The following CDH7 variants were observed in gnomAD, a reference collection of about 807,000 sequenced individuals.
CDH7 encodes cadherin 7, also known as cadherin-7.
Under a neutral mutation model 71.8 loss-of-function variants are expected in CDH7, and 25 were observed. The observed-to-expected ratio is 0.35, with a 90% confidence interval of 0.25 to 0.49. The LOEUF is 0.49. Among genes scored for constraint, CDH7 ranks in the 20% least tolerant of loss-of-function variants. The pLI is 0.99. For synonymous variants in CDH7, 381 were observed against 363.8 expected (o/e 1.05, Z -0.54); for missense variants, 862 against 974.6 (o/e 0.88, Z 1.54).
chr18:65,819,813 G>A (rs1911853739), intron 4 of CDH7, among the ~76,000 whole-genome samples: 1 of 151,286 alleles, frequency 6.6e-6, no homozygotes, highest in Admixed American at 6.6e-5. Context: ...AATCCTAAAG[G>A]GTTGAGCCCT....
intron 1 of CDH7, among the ~76,000 whole-genome samples, chr18:65,753,904 A>G (rs938083128): frequency 2.6e-5 from 4 of 152,224 alleles, no homozygotes; most frequent in African/African-American, 9.6e-5. Context: ...TCATTCTGGT[A>G]GAATCTCTTT....
intron 2 of CDH7, among the ~76,000 whole-genome samples, chr18:65,791,834 A>C (rs1910722355): frequency 6.6e-6 from 1 of 152,140 alleles, no homozygotes; most frequent in African/African-American, 2.4e-5. Context: ...ATTATTGGGG[A>C]AACAAATACA....
intron 7 of CDH7, among the ~76,000 whole-genome samples, chr18:65,853,450 A>G (rs1913219349): frequency 6.6e-6 from 1 of 152,116 alleles, no homozygotes; most frequent in Non-Finnish European, 1.5e-5. Flanking sequence ...TCTAAAAAGT[A>G]TCTGTATTTT....
intron 7 of CDH7, among the ~76,000 whole-genome samples, 185 bp from the exon 8 acceptor site, chr18:65,857,631 A>G (rs866293987): frequency 2.0e-5 from 3 of 152,196 alleles, no homozygotes; most frequent in African/African-American, 7.2e-5. Context: ...TTAGTGAGAC[A>G]CAGGTTATAA....
intron 2 of CDH7, among the ~76,000 whole-genome samples, chr18:65,783,160 A>C (rs959671199): frequency 2.6e-5 from 4 of 152,236 alleles, no homozygotes; most frequent in African/African-American, 9.6e-5. Context: ...TCCTACAATA[A>C]TAAATATCAA....
Position 65,812,469 on chromosome 18 carries a change from A to G in CDH7, c.506-2016A>G, listed in dbSNP as rs570874574. Among the ~76,000 whole-genome samples, 22 of 152,338 alleles carry G rather than the reference A, an allele frequency of 1.4e-4. No homozygotes were observed. The South Asian group carries it at 4.1e-3, about 29-fold the overall frequency. ...TGTATGGGCTTACAGTTTATCAAAC[A>G]CTATAGTTAATCAAAGTGCTTAAGT... On this transcript the variant is annotated intron_variant, in intron 3 of 11. Transcript: ENST00000397968.
At chr18:65,822,300 A>G in intron 5 of CDH7, 52 bp downstream of exon 5, 1 of 1,377,630 alleles carries the variant, frequency 7.3e-7, no homozygotes, top group Non-Finnish European at 1.0e-6. Flanking sequence ...CTGAAAGTCT[A>G]TAAAATACAT....
intron 2 of CDH7, among the ~76,000 whole-genome samples, chr18:65,787,352 G>T (rs530737643): frequency 1.3e-5 from 2 of 152,100 alleles, no homozygotes; most frequent in African/African-American, 4.8e-5. Context: ...GCCATAGTTG[G>T]TGCTGCTCCT....
chr18:65,824,579 C>A, intron 5 of CDH7, 65 bp from the exon 6 acceptor site: 13 of 1,057,566 alleles, frequency 1.2e-5, no homozygotes, highest in South Asian at 7.0e-5. Flanking sequence ...CAAAATAACC[C>A]AATATTTAAA....
At chr18:65,767,166 G>A (rs1916404182) in intron 2 of CDH7, among the ~76,000 whole-genome samples, 1 of 148,510 alleles carries the variant, frequency 6.7e-6, no homozygotes, top group Admixed American at 6.8e-5. Flanking sequence ...TACCCCAGTA[G>A]AAATCAAATA....
Position 65,763,061 on chromosome 18 carries a change from T to C in CDH7, c.210+9T>C. The C allele has an allele frequency of 1.9e-6, 3 of 1,571,280 alleles. No homozygotes were observed. The highest frequency in any genetic ancestry group is 2.6e-6 in the Non-Finnish European group (3 of 1,148,760). On this transcript the variant is annotated intron_variant, in intron 2 of 11. Transcript: ENST00000397968. ...CCCTCTATGTAGGAAAGGTAGGGTA[T>C]TGTGACCTTTCAAAGTTGTAAATGA...
rs185175133 is a variant in CDH7, at chr18:65,782,376, T to C, written c.210+19324T>C. 3.8e-3 allele frequency among the ~76,000 whole-genome samples: 573 copies of C among 152,076 alleles called. 4 individuals are homozygous for C. The highest frequency in any genetic ancestry group is 0.013 in the African/African-American group (552 of 41,472). On this transcript the variant is annotated intron_variant, in intron 2 of 11. Coordinates refer to ENST00000397968, the MANE Select transcript of CDH7 (RefSeq NM_004361.5). ...GAGACGGGGTTTTGCCAAGCTGGTCTTGAACTCCTAACTTCAAGTGATCCA... is the reference window on the plus strand; with the variant it reads ...GAGACGGGGTTTTGCCAAGCTGGTCCTGAACTCCTAACTTCAAGTGATCCA...
At chr18:65,874,206 A>C (rs1282034144) in intron 11 of CDH7, among the ~76,000 whole-genome samples, 2 of 152,200 alleles carry the variant, frequency 1.3e-5, no homozygotes, top group African/African-American at 2.4e-5. Context: ...TAAACAATGG[A>C]TTAAACTTAA....
chr18:65,777,995 G>T (rs1352644961), intron 2 of CDH7, among the ~76,000 whole-genome samples: 2 of 152,028 alleles, frequency 1.3e-5, no homozygotes, highest in Non-Finnish European at 1.5e-5. Context: ...AGTGCCAGCC[G>T]GGCGTGGTGG....
In CDH7 at chr18:65,802,681, G is replaced by A. The variant is rs993727171; in HGVS notation, c.211-7023G>A. Among the ~76,000 whole-genome samples, 8 of 152,282 alleles carry A rather than the reference G, an allele frequency of 5.3e-5. No homozygotes were observed. The South Asian group carries it at 1.2e-3, about 24-fold the overall frequency. ...TGAAGCATTCACAATTACACTAAGC[G>A]AGGATGAAGCCTCAGCTTCAATTTT... On this transcript the variant is annotated intron_variant, in intron 2 of 11. Coordinates refer to ENST00000397968, the MANE Select transcript of CDH7 (RefSeq NM_004361.5).
chr18:65,802,551 A>T (rs1382048360), intron 2 of CDH7, among the ~76,000 whole-genome samples: 1 of 152,200 alleles, frequency 6.6e-6, no homozygotes, highest in Non-Finnish European at 1.5e-5. Context: ...TAAAGAGCTT[A>T]GCCTCTCCAG....
chr18:65,773,077 T>C (rs2143810990), intron 2 of CDH7, among the ~76,000 whole-genome samples: 1 of 152,274 alleles, frequency 6.6e-6, no homozygotes, highest in South Asian at 2.1e-4. Flanking sequence ...CTTTTAACTT[T>C]GTGCTCAACC....
chr18:65,793,590 A>T (rs1329431993), intron 2 of CDH7, among the ~76,000 whole-genome samples: 2 of 152,204 alleles, frequency 1.3e-5, no homozygotes, highest in Non-Finnish European at 1.5e-5. Flanking sequence ...GTAAAGATTT[A>T]TTGTTAATGG....
At chr18:65,750,767 C>G (rs1915841887), upstream of CDH7, 1 of 152,742 alleles carries the variant, frequency 6.5e-6, no homozygotes, top group African/African-American at 2.4e-5. Context: ...GCCCCGGCTC[C>G]GGCGCGCTCT....
Sources: gnomAD v4.1 joint callset for allele counts (sites outside exome capture counted in the v4.1 genomes callset) on GRCh38, gnomAD v4.1.1 for gene constraint, MANE v1.5 for transcripts, NCBI Gene and HGNC (gene_info 2026-07-23, HGNC 2026-07-21) for gene names.